FLRT2: variants seen among roughly 807,000 people sequenced by gnomAD.
FLRT2 encodes leucine-rich repeat transmembrane protein FLRT2.
In FLRT2, 15 loss-of-function variants were observed where a neutral mutation model predicts 40.0. The ratio of observed to expected loss-of-function variants is 0.38; its 90% CI spans 0.25 to 0.58. FLRT2 has a LOEUF of 0.58. FLRT2 is among the 20% of genes least tolerant of loss of function. The pLI, the probability that FLRT2 is intolerant of heterozygous loss-of-function variation, is 0.71. For missense variants in FLRT2, 726 were observed against 840.0 expected (o/e 0.86, Z 1.68); for synonymous variants, 380 against 336.8 (o/e 1.13, Z -1.41).
At chr14:85,548,192 A>G (rs1181075691) in intron 1 of FLRT2, among the ~76,000 whole-genome samples, 1 of 152,210 alleles carries the variant, frequency 6.6e-6, no homozygotes, top group Non-Finnish European at 1.5e-5. Context: ...TGAAACTTCC[A>G]TAGAGTACCA....
At chr14:85,550,327 T>G (rs1889540409) in intron 1 of FLRT2, among the ~76,000 whole-genome samples, 1 of 152,124 alleles carries the variant, frequency 6.6e-6, no homozygotes, top group Non-Finnish European at 1.5e-5. Flanking sequence ...CATTTACTCT[T>G]AGAAAACCCT....
Position 85,646,225 on chromosome 14 carries a change from T to G in FLRT2, c.*22728T>G, listed in dbSNP as rs1435351067. The G allele has an allele frequency of 6.6e-6, 1 of 152,064 alleles. No individual in the cohort carries two copies. Among genetic ancestry groups the G allele is most frequent in the Non-Finnish European group, 1.5e-5 (1 of 68,014 alleles). 9.4% of individuals were successfully genotyped at this position (152,064 alleles called of 1,614,324 possible). A position where few individuals can be genotyped will look rare whatever the true frequency, so the allele number is the denominator to read the frequency against. Reference sequence around the variant, plus strand: ...AATACTATAATGGACTGTGGAAAAATCAGTTAGAGTGTCACTTGGATGAAG... The same window carrying G: ...AATACTATAATGGACTGTGGAAAAAGCAGTTAGAGTGTCACTTGGATGAAG... On this transcript the variant is annotated 3_prime_UTR_variant, in exon 2 of 2. Transcript: ENST00000330753.
At chr14:85,575,541 G>C (rs1038957469) in intron 1 of FLRT2, among the ~76,000 whole-genome samples, 18 of 152,138 alleles carry the variant, frequency 1.2e-4, no homozygotes, top group African/African-American at 3.9e-4. Flanking sequence ...GGTGATCCCA[G>C]GCAAAGGGTA....
At chr14:85,606,799 A>C (rs1172855792) in intron 1 of FLRT2, among the ~76,000 whole-genome samples, 2 of 150,734 alleles carry the variant, frequency 1.3e-5, no homozygotes, top group Non-Finnish European at 2.9e-5. Flanking sequence ...CTGGGATTAC[A>C]GCTTGAGCCA....
At chr14:85,565,727 A>G (rs1308963774) in intron 1 of FLRT2, among the ~76,000 whole-genome samples, 2 of 152,314 alleles carry the variant, frequency 1.3e-5, no homozygotes, top group East Asian at 1.9e-4. Flanking sequence ...AAGTAGCATT[A>G]AAAGAATCCT....
chr14:85,532,499 GGAAACGTTGCCT>G (rs1888348493), intron 1 of FLRT2, among the ~76,000 whole-genome samples: 1 of 152,328 alleles, frequency 6.6e-6, no homozygotes, highest in South Asian at 2.1e-4. Context: ...ACTGCGAAGT[GGAAACGTTGCCT>G]GTACAGAAAT....
In FLRT2 at chr14:85,624,444, T is replaced by A. The variant is rs1893576382; in HGVS notation, c.*947T>A. The A allele has an allele frequency of 6.0e-6, 1 of 167,094 alleles. No homozygotes were observed. Among genetic ancestry groups the A allele is most frequent in the Non-Finnish European group, 1.5e-5 (1 of 68,128 alleles). 10.4% of individuals were successfully genotyped at this position (167,094 alleles called of 1,614,324 possible). A position where few individuals can be genotyped will look rare whatever the true frequency, so the allele number is the denominator to read the frequency against. ...ATTATTTGGGTAGATTCACTGAGGC[T>A]ATGTCAACATGATATTTAGACCAAC... is the stretch of plus-strand genomic sequence containing the variant. On this transcript the variant is annotated 3_prime_UTR_variant, in exon 2 of 2. Transcript: ENST00000330753.
chr14:85,576,211 C>A (rs1049903083), intron 1 of FLRT2, among the ~76,000 whole-genome samples: 19 of 152,266 alleles, frequency 1.2e-4, no homozygotes, highest in African/African-American at 4.6e-4. Flanking sequence ...AAACTCATGA[C>A]CTCAGTTATC....
In FLRT2 at chr14:85,652,117, A is replaced by G. The variant is rs1032172801; in HGVS notation, c.*28620A>G. ...GAACAACAAAGTCTCCTTAGGAGGC[A>G]AAACAAAGTATTATTAAAAGTATGT... On this transcript the variant is annotated 3_prime_UTR_variant, in exon 2 of 2. Transcript: ENST00000330753. 6.6e-6 allele frequency: 1 copy of G among 152,156 alleles called. No homozygotes were observed. Among genetic ancestry groups the G allele is most frequent in the East Asian group, 1.9e-4 (1 of 5,194 alleles). The allele number at this position is 152,156 out of a possible 1,614,324, so 9.4% of individuals were successfully genotyped here. A position where few individuals can be genotyped will look rare whatever the true frequency, so the allele number is the denominator to read the frequency against.
intron 1 of FLRT2, among the ~76,000 whole-genome samples, chr14:85,585,581 A>ATG (rs879407192): frequency 2.0e-5 from 3 of 148,766 alleles, no homozygotes; most frequent in African/African-American, 7.8e-5. Flanking sequence ...AGAAAGAATC[A>ATG]TGTGTGTGTG....
In FLRT2 at chr14:85,644,552, A is replaced by G. The variant is rs771296725; in HGVS notation, c.*21055A>G. On this transcript the variant is annotated 3_prime_UTR_variant, in exon 2 of 2. Transcript: ENST00000330753. ...TTCAAGAAGGTAGAAGAAAATTCTC[A>G]CTAAAACTCAGGGACATGCCACCTT... 1.1e-4 allele frequency: 16 copies of G among 152,194 alleles called. No homozygotes were observed. The highest frequency in any genetic ancestry group is 1.9e-4 in the Non-Finnish European group (13 of 68,040). The allele number at this position is 152,194 out of a possible 1,614,324, so 9.4% of individuals were successfully genotyped here.
intron 1 of FLRT2, among the ~76,000 whole-genome samples, chr14:85,616,873 G>T (rs550027761): frequency 3.2e-4 from 49 of 152,114 alleles, no homozygotes; most frequent in African/African-American, 9.9e-4. Flanking sequence ...AATAAGTATT[G>T]GTTCAATAAA....
At chr14:85,543,663 G>T (rs1255719321) in intron 1 of FLRT2, among the ~76,000 whole-genome samples, 1 of 152,064 alleles carries the variant, frequency 6.6e-6, no homozygotes, top group Non-Finnish European at 1.5e-5. Context: ...AGACCTCATT[G>T]TTCAGCACCC....
intron 1 of FLRT2, among the ~76,000 whole-genome samples, chr14:85,554,615 T>C (rs2139831649): frequency 6.6e-6 from 1 of 152,318 alleles, no homozygotes; most frequent in South Asian, 2.1e-4. Flanking sequence ...TCTTCTCAAG[T>C]TGTGGTTTCT....
chr14:85,643,340 TTTC>T lies in FLRT2; in HGVS notation c.*19846_*19848del, dbSNP rs1894205969. 1.1e-5 allele frequency: 1 copy of T among 87,260 alleles called. No individual in the cohort carries two copies. The highest frequency in any genetic ancestry group is 4.1e-5 in the African/African-American group (1 of 24,560). The allele number at this position is 87,260 out of a possible 1,614,324, so 5.4% of individuals were successfully genotyped here. On this transcript the variant is annotated 3_prime_UTR_variant, in exon 2 of 2. Coordinates refer to ENST00000330753, the MANE Select transcript of FLRT2 (RefSeq NM_013231.6). ...CTTTCTTTCTTTCTTTCTTTCTTTC[TTTC>T]TTTCTTTCTTTCTTCCTTCCTTCCT...
chr14:85,560,406 C>G (rs924937640), intron 1 of FLRT2, among the ~76,000 whole-genome samples: 4 of 151,912 alleles, frequency 2.6e-5, no homozygotes, highest in African/African-American at 9.7e-5. Context: ...GAAACCCCGT[C>G]TCTACTAAAA....
At chr14:85,589,035 G>T (rs1891766434) in intron 1 of FLRT2, among the ~76,000 whole-genome samples, 1 of 152,012 alleles carries the variant, frequency 6.6e-6, no homozygotes, top group Non-Finnish European at 1.5e-5. Context: ...CCAAATCTTG[G>T]CTATTGTGAA....
intron 1 of FLRT2, among the ~76,000 whole-genome samples, chr14:85,601,003 AT>A (rs1892357070): frequency 6.6e-6 from 1 of 152,238 alleles, no homozygotes; most frequent in Non-Finnish European, 1.5e-5. Flanking sequence ...AAAAATAGAA[AT>A]AAATAAGCCA....
In FLRT2 at chr14:85,634,521, A is replaced by G. The variant is rs1045201123; in HGVS notation, c.*11024A>G. ...TGGAGGCCAATTATATCTAACAGCA[A>G]CTGTGTCTATAAGACTGTAGCCTAT... On this transcript the variant is annotated 3_prime_UTR_variant, in exon 2 of 2. Transcript: ENST00000330753. 2.0e-5 allele frequency: 3 copies of G among 152,262 alleles called. No individual in the cohort carries two copies. Among genetic ancestry groups the G allele is most frequent in the African/African-American group, 7.2e-5 (3 of 41,472 alleles). 9.4% of individuals were successfully genotyped at this position (152,262 alleles called of 1,614,324 possible).
Sources: gnomAD v4.1 joint callset for allele counts (sites outside exome capture counted in the v4.1 genomes callset) on GRCh38, gnomAD v4.1.1 for gene constraint, MANE v1.5 for transcripts, NCBI Gene and HGNC (gene_info 2026-07-23, HGNC 2026-07-21) for gene names.